Variants in MARCHF5 observed in about 807,000 individuals in gnomAD.
The protein encoded by MARCHF5 is membrane associated ring-CH-type finger 5.
MARCHF5 carries 5 observed loss-of-function variants against 36.5 expected under a neutral mutation model. The ratio of observed to expected loss-of-function variants is 0.14; its 90% CI spans 0.07 to 0.29. MARCHF5 has a LOEUF of 0.29. Ranked by LOEUF, MARCHF5 falls within the 10% of genes least tolerant of loss-of-function variation. The probability of loss-of-function intolerance (pLI) is 1.00; values close to 1 mark genes in which losing one functional copy is unlikely to be tolerated. For synonymous variants in MARCHF5, 103 were observed against 109.9 expected (o/e 0.94, Z 0.39); for missense variants, 179 against 336.3 (o/e 0.53, Z 3.66).
At chr10:92,325,260 C>G (rs1843341939) in intron 2 of MARCHF5, among the ~76,000 whole-genome samples, 1 of 152,120 alleles carries the variant, frequency 6.6e-6, no homozygotes, top group South Asian at 2.1e-4. Flanking sequence ...GGAGGATTGC[C>G]TGAGCCCAAG....
chr10:92,320,972 C>T (rs1199428599), intron 2 of MARCHF5, among the ~76,000 whole-genome samples: 2 of 152,036 alleles, frequency 1.3e-5, no homozygotes, highest in Admixed American at 6.6e-5. Context: ...TACAGGTATA[C>T]CATCTTTTAT....
intron 1 of MARCHF5, among the ~76,000 whole-genome samples, chr10:92,310,448 G>A (rs557015346): frequency 1.4e-4 from 22 of 151,964 alleles, no homozygotes; most frequent in South Asian, 8.3e-4. Flanking sequence ...TAAAATTACC[G>A]ATCTCAATAG....
At chr10:92,334,437 C>A (rs1041895953) in intron 2 of MARCHF5, 6 of 152,360 alleles carry the variant, frequency 3.9e-5, no homozygotes, top group African/African-American at 1.4e-4. Flanking sequence ...AACTTTCGCA[C>A]AACAAAGTAT....
intron 2 of MARCHF5, among the ~76,000 whole-genome samples, chr10:92,333,349 G>A (rs1292058478): frequency 6.6e-6 from 1 of 151,870 alleles, no homozygotes; most frequent in Non-Finnish European, 1.5e-5. Flanking sequence ...AGGCCAAAGT[G>A]CCCCATACTG....
intron 2 of MARCHF5, among the ~76,000 whole-genome samples, chr10:92,337,121 CAAA>C (rs199761409): frequency 1.5e-5 from 2 of 129,430 alleles, no homozygotes; most frequent in Non-Finnish European, 3.3e-5. Context: ...GACTCTGTCT[CAAA>C]AAAAAAAAAA....
chr10:92,314,697 TC>T (rs1843186019), intron 2 of MARCHF5, among the ~76,000 whole-genome samples: 1 of 150,514 alleles, frequency 6.6e-6, no homozygotes, highest in Non-Finnish European at 1.5e-5. Flanking sequence ...TTAGCATATT[TC>T]CTCTTGACAA....
chr10:92,328,801 TTATATA>T (rs748902839), intron 2 of MARCHF5, among the ~76,000 whole-genome samples: 45 of 137,258 alleles, frequency 3.3e-4, no homozygotes, highest in African/African-American at 1.2e-3. Flanking sequence ...AGTGAGGTTA[TTATATA>T]TATATATATA....
intron 2 of MARCHF5, among the ~76,000 whole-genome samples, chr10:92,329,245 A>G (rs570298951): frequency 2.6e-5 from 4 of 152,262 alleles, no homozygotes; most frequent in East Asian, 3.9e-4. Context: ...GAGTGTGCCT[A>G]TTTCCTCATG....
chr10:92,296,756 T>G (rs1463782513), intron 1 of MARCHF5, among the ~76,000 whole-genome samples: 1 of 152,154 alleles, frequency 6.6e-6, no homozygotes, highest in Non-Finnish European at 1.5e-5. Flanking sequence ...GAGAGAGTGG[T>G]CTATTCTTCC....
chr10:92,319,149 T>C (rs958893395), intron 2 of MARCHF5, among the ~76,000 whole-genome samples: 46 of 152,220 alleles, frequency 3.0e-4, no homozygotes, highest in African/African-American at 9.4e-4. Context: ...AACATAGTAG[T>C]GCAATGCATC....
intron 3 of MARCHF5, among the ~76,000 whole-genome samples, chr10:92,344,233 AC>A (rs1387780058): frequency 2.6e-5 from 4 of 152,224 alleles, no homozygotes; most frequent in African/African-American, 9.6e-5. Context: ...CATAAATGAA[AC>A]CACTGGAGAA....
intron 3 of MARCHF5, among the ~76,000 whole-genome samples, chr10:92,343,665 G>A (rs1843607169): frequency 6.6e-6 from 1 of 152,212 alleles, no homozygotes; most frequent in African/African-American, 2.4e-5. Context: ...CGCTTTCCGG[G>A]TTCAAGCGAT....
At chr10:92,333,643 G>A (rs1227220385) in intron 2 of MARCHF5, 2 of 984,960 alleles carry the variant, frequency 2.0e-6, no homozygotes, top group Non-Finnish European at 1.2e-6. Flanking sequence ...TATTTTGTGG[G>A]GTAGTATGTA....
chr10:92,328,822 T>TATATATATATATA (rs1491512830), intron 2 of MARCHF5, among the ~76,000 whole-genome samples: 1 of 52,768 alleles, frequency 1.9e-5, no homozygotes, highest in African/African-American at 5.9e-5. Context: ...TATATATATA[T>TATATATATATATA]TTTTTTTTTT....
At chr10:92,304,638 A>G (rs1480095053) in intron 1 of MARCHF5, among the ~76,000 whole-genome samples, 1 of 152,348 alleles carries the variant, frequency 6.6e-6, no homozygotes, top group Middle Eastern at 3.4e-3. Context: ...CTGTAAAGTA[A>G]TATGAAAATT....
At position 92,312,021 on chromosome 10, in the gene MARCHF5, A is replaced by G. The variant is rs577946465; in HGVS notation, c.238+684A>G. Among the ~76,000 whole-genome samples the G allele has an allele frequency of 2.6e-4, 40 of 152,300 alleles. No homozygotes were observed. In the South Asian group the frequency reaches 4.3e-3, roughly 17 times the overall value. On this transcript the variant is annotated intron_variant, in intron 2 of 5. Transcript: ENST00000358935. ...GCCATACAGTTATAAATTGGTGTCA[A>G]TCTCTTGGTTTGGTGTTTATACCAT...
chr10:92,334,383 G>T (rs1176932085), intron 2 of MARCHF5: 1 of 152,266 alleles, frequency 6.6e-6, no homozygotes. Context: ...AGGTTGTCTT[G>T]TAAAGTACCT....
At chr10:92,316,160 G>GTT (rs1335888717) in intron 2 of MARCHF5, among the ~76,000 whole-genome samples, 2 of 149,234 alleles carry the variant, frequency 1.3e-5, no homozygotes, top group African/African-American at 4.9e-5. Context: ...CAGATTTTGT[G>GTT]TTTTTTTTTT....
intron 2 of MARCHF5, among the ~76,000 whole-genome samples, chr10:92,329,197 A>G (rs1843407851): frequency 6.6e-6 from 1 of 152,188 alleles, no homozygotes; most frequent in African/African-American, 2.4e-5. Context: ...TTCCTGCCAC[A>G]GGTGCTGAAT....
Sources: gnomAD v4.1 joint callset for allele counts (sites outside exome capture counted in the v4.1 genomes callset) on GRCh38, gnomAD v4.1.1 for gene constraint, MANE v1.5 for transcripts, NCBI Gene and HGNC (gene_info 2026-07-23, HGNC 2026-07-21) for gene names.